The following RASSF2 variants were observed in gnomAD, a reference collection of about 807,000 sequenced individuals.
RASSF2 encodes ras association domain-containing protein 2.
Under a neutral mutation model 46.3 loss-of-function variants are expected in RASSF2, and 34 were observed. The ratio of observed to expected loss-of-function variants is 0.73; its 90% CI spans 0.56 to 0.98. The LOEUF is 0.98. Ranked by LOEUF, RASSF2 falls within the 50% of genes least tolerant of loss-of-function variation. The pLI, the probability that RASSF2 is intolerant of heterozygous loss-of-function variation, is 0.00. For synonymous variants in RASSF2, 158 were observed against 162.5 expected, an observed-to-expected ratio of 0.97 and a Z score of 0.21; for missense variants, 364 against 431.2, an observed-to-expected ratio of 0.84 and a Z score of 1.38.
chr20:4,787,543 C>G (rs1925465458), intron 10 of RASSF2, 90 bp downstream of exon 10: 1 of 1,551,782 alleles, frequency 6.4e-7, no homozygotes, highest in African/African-American at 1.4e-5. Flanking sequence ...GGTCGTTGGT[C>G]AAAAAAGTCA....
chr20:4,807,386 A>G (rs895118183), intron 2 of RASSF2, among the ~76,000 whole-genome samples: 7 of 151,964 alleles, frequency 4.6e-5, no homozygotes, highest in African/African-American at 1.7e-4. Context: ...AAAACTGGGG[A>G]AAAATATTTA....
At chr20:4,816,491 C>T (rs1365331291) in intron 2 of RASSF2, among the ~76,000 whole-genome samples, 3 of 152,060 alleles carry the variant, frequency 2.0e-5, no homozygotes, top group Non-Finnish European at 4.4e-5. Flanking sequence ...TTAATGGGTA[C>T]AGAGCTTCTG....
rs948301236 is a variant in RASSF2 at position 4,790,131 on chromosome 20, G to A, written c.537+320C>T. ...ACAGTGTGCAGGAAGAGGGTAACACGTGGATTTTCTTGGGAGAGACTGATG... is the reference window on the plus strand; with the variant it reads ...ACAGTGTGCAGGAAGAGGGTAACACATGGATTTTCTTGGGAGAGACTGATG... On this transcript the variant is annotated intron_variant, in intron 7 of 11. Coordinates refer to ENST00000379400, the MANE Select transcript of RASSF2 (RefSeq NM_014737.3). The surrounding 1 kb of genome is among the most constrained non-coding windows in gnomAD (Gnocchi z 4.3). 5.3e-5 allele frequency among the ~76,000 whole-genome samples: 8 copies of A among 152,184 alleles called. No individual in the cohort carries two copies. Among genetic ancestry groups the A allele is most frequent in the South Asian group, 2.1e-4 (1 of 4,830 alleles).
At chr20:4,803,501 T>C (rs1381441795) in intron 2 of RASSF2, among the ~76,000 whole-genome samples, 1 of 152,122 alleles carries the variant, frequency 6.6e-6, no homozygotes, top group Admixed American at 6.5e-5. Flanking sequence ...TGCCCGTGAC[T>C]GCAATACTTC....
intron 2 of RASSF2, among the ~76,000 whole-genome samples, chr20:4,813,291 G>T (rs577345241): frequency 7.9e-5 from 12 of 152,142 alleles, no homozygotes; most frequent in Non-Finnish European, 1.5e-4. Context: ...GCCATGCTGG[G>T]GTTTCTTCAA....
rs1032050225 is a variant in RASSF2 at position 4,823,110 on chromosome 20, GC to G, written c.-108+446del. Among the ~76,000 whole-genome samples the G allele has an allele frequency of 2.5e-4, 38 of 152,244 alleles. 1 individual carries two copies. The highest frequency in any genetic ancestry group is 1.4e-3 in the Admixed American group (22 of 15,308). On this transcript the variant is annotated intron_variant, in intron 1 of 11. Transcript: ENST00000379400. Reference sequence around the variant, plus strand: ...TGGCGGGGGTCCGCGCGCCCCGGGAGCCCCGCGGCTCGGGGAGGAAAGAGGA... The same window carrying G: ...TGGCGGGGGTCCGCGCGCCCCGGGAGCCCGCGGCTCGGGGAGGAAAGAGGA...
chr20:4,788,389 C>G, intron 8 of RASSF2, 121 bp from the exon 9 acceptor site: 1 of 830,042 alleles, frequency 1.2e-6, no homozygotes, highest in South Asian at 1.4e-5. Flanking sequence ...GAGGGGAGAG[C>G]TATTTATCTA....
Position 4,780,374 on chromosome 20 carries a change from TCA to T in RASSF2, c.*3897_*3898del, listed in dbSNP as rs1263342650. On this transcript the variant is annotated 3_prime_UTR_variant, in exon 12 of 12. Transcript: ENST00000379400. The stretch of plus-strand genomic sequence containing the variant: ...CCACCACAGCTTGTGCATCTTGTGC[TCA>T]GTTAAATACAGTTAAAACACAAGGG... The T allele has an allele frequency of 6.6e-6, 1 of 152,144 alleles. No homozygotes were observed. Among genetic ancestry groups the T allele is most frequent in the African/African-American group, 2.4e-5 (1 of 41,434 alleles). The allele number at this position is 152,144 out of a possible 1,614,324, so 9.4% of individuals were successfully genotyped here.
chr20:4,787,603 G>A (rs776242104), intron 10 of RASSF2, 30 bp downstream of exon 10: 3 of 1,614,064 alleles, frequency 1.9e-6, no homozygotes, highest in African/African-American at 2.7e-5. Flanking sequence ...CCCTCCTGAG[G>A]ACAGATCGCC....
intron 2 of RASSF2, among the ~76,000 whole-genome samples, chr20:4,817,705 G>A (rs941030862): frequency 1.3e-5 from 2 of 152,142 alleles, no homozygotes; most frequent in Admixed American, 6.6e-5. Flanking sequence ...TACAAGACAG[G>A]CAGGATTATA....
chr20:4,822,754 C>G (rs1928789027), intron 1 of RASSF2, among the ~76,000 whole-genome samples: 1 of 152,228 alleles, frequency 6.6e-6, no homozygotes, highest in Admixed American at 6.5e-5. Flanking sequence ...GCCAACGGCC[C>G]CCGCGCACCC....
At chr20:4,801,614 C>G (rs1245263664) in intron 2 of RASSF2, among the ~76,000 whole-genome samples, 1 of 151,968 alleles carries the variant, frequency 6.6e-6, no homozygotes, top group African/African-American at 2.4e-5. Flanking sequence ...TGTTTAAAAT[C>G]TATGTAAGTA....
intron 2 of RASSF2, among the ~76,000 whole-genome samples, chr20:4,807,331 A>G (rs1351401942): frequency 5.4e-5 from 4 of 73,634 alleles, no homozygotes; most frequent in Non-Finnish European, 1.1e-4. Context: ...TTCTGTTCAG[A>G]AAAAAAAAAA....
Position 4,788,146 on chromosome 20 carries a change from G to C in RASSF2, c.691+71C>G, listed in dbSNP as rs563228510. ...ACTCAAACAACAAGCAAAGGAGGCA[G>C]AGGTATTTTTTTAACTTGCTATTTT... On this transcript the variant is annotated intron_variant, in intron 9 of 11. Transcript: ENST00000379400. 1.5e-5 allele frequency: 20 copies of C among 1,344,400 alleles called. No homozygotes were observed. The South Asian group carries it at 2.4e-4, about 16-fold the overall frequency. 83.3% of individuals were successfully genotyped at this position (1,344,400 alleles called of 1,614,324 possible).
rs375269908 is a variant in RASSF2 at position 4,792,488 on chromosome 20, G to A, written c.376+51C>T. Reference sequence around the variant, plus strand: ...AACAGTTTACAACATCTATCACAGCGGTCTTCACACAGTTGGTCCCTAGCT... The same window carrying A: ...AACAGTTTACAACATCTATCACAGCAGTCTTCACACAGTTGGTCCCTAGCT... On this transcript the variant is annotated intron_variant, in intron 6 of 11. Coordinates refer to ENST00000379400, the MANE Select transcript of RASSF2 (RefSeq NM_014737.3). The A allele has an allele frequency of 5.7e-5, 92 of 1,611,004 alleles. 1 individual carries two copies. In the Middle Eastern group the frequency reaches 1.8e-3, roughly 32 times the overall value.
rs559942126 is a variant in RASSF2 at position 4,788,236 on chromosome 20, G to T, written c.672C>A (p.Tyr224Ter). The T allele has an allele frequency of 6.2e-7, 1 of 1,606,684 alleles. No individual in the cohort carries two copies. The highest frequency in any genetic ancestry group is 8.5e-7 in the Non-Finnish European group (1 of 1,173,230). The change falls in exon 9 of 12, where the codon TAC becomes TAA. Residue 224 changes from tyrosine to a stop codon, truncating the protein, a stop_gained. Transcript: ENST00000379400. LOFTEE classifies it high-confidence loss of function. ...ACTTACCACCACTCGTATGGACCAC[G>T]TACAAGGCAAACTCCTCTGCTGAAT... ...IENSAEEFAL[Y>*]VVHTSGEKQK...
chr20:4,808,140 G>T (rs150794879), intron 2 of RASSF2, among the ~76,000 whole-genome samples: 1 of 152,206 alleles, frequency 6.6e-6, no homozygotes, highest in Non-Finnish European at 1.5e-5. Flanking sequence ...TCCTCCAGGG[G>T]TGCCTGCCAT....
At position 4,795,934 on chromosome 20, in the gene RASSF2, C is replaced by T. The variant is rs1247989412; in HGVS notation, c.168G>A (p.Leu56=). The T allele has an allele frequency of 6.4e-7, 1 of 1,559,060 alleles. No homozygotes were observed. The highest frequency in any genetic ancestry group is 2.4e-5 in the East Asian group (1 of 41,526). ...GCCGGCGCAGGCCCCAGGAGATGTT[C>T]AGGAGCCCCTCCACAATGAACTCGT... is the stretch of plus-strand genomic sequence containing the variant. ...EEDEFIVEGL[L]NISWGLRRPI... The change falls in exon 5 of 12, where the codon CTG becomes CTA. Residue 56 remains leucine, a synonymous_variant. Coordinates refer to ENST00000379400, the MANE Select transcript of RASSF2 (RefSeq NM_014737.3). The surrounding 1 kb of genome is among the most constrained non-coding windows in gnomAD (Gnocchi z 4.0).
chr20:4,785,676 T>C (rs1206625079), intron 11 of RASSF2, among the ~76,000 whole-genome samples: 1 of 152,162 alleles, frequency 6.6e-6, no homozygotes, highest in Non-Finnish European at 1.5e-5. Flanking sequence ...TAAGACAGCC[T>C]TCCTGAAATC....
Sources: gnomAD v4.1 joint callset for allele counts (sites outside exome capture counted in the v4.1 genomes callset) on GRCh38, gnomAD v4.1.1 for gene constraint, Gnocchi (gnomAD v3.1) non-coding constraint, MANE v1.5 for transcripts, NCBI Gene and HGNC (gene_info 2026-07-23, HGNC 2026-07-21) for gene names.